EEIG2: variants seen among roughly 807,000 people sequenced by gnomAD.
The protein encoded by EEIG2 is family with sequence similarity 102 member B.
the EEIG2 span, among the ~76,000 whole-genome samples, chr1:108,570,233 A>G: frequency 1.3e-5 from 2 of 152,210 alleles, no homozygotes; most frequent in African/African-American, 4.8e-5. Flanking sequence ...AGGAGAAAAC[A>G]GAATGATAAA....
the EEIG2 span, chr1:108,627,186 G>A: frequency 3.3e-5 from 5 of 152,182 alleles, no homozygotes; most frequent in Non-Finnish European, 7.4e-5. Flanking sequence ...TGCATAACTC[G>A]ATATGAACCA....
chr1:108,628,694 A>T, the EEIG2 span: 108 of 1,611,854 alleles, frequency 6.7e-5, no homozygotes, highest in Non-Finnish European at 8.2e-5. Context: ...GTGAAACAAG[A>T]TTCTGTAGAA....
At chr1:108,625,879 C>T in the EEIG2 span, 1 of 151,528 alleles carries the variant, frequency 6.6e-6, no homozygotes, top group African/African-American at 2.4e-5. Flanking sequence ...CCACACACTT[C>T]TTATAGCCAA....
At chr1:108,568,042 A>T in the EEIG2 span, among the ~76,000 whole-genome samples, 1 of 152,088 alleles carries the variant, frequency 6.6e-6, no homozygotes, top group Non-Finnish European at 1.5e-5. Flanking sequence ...AATGGTACTC[A>T]TGCCACTTTT....
At chr1:108,609,994 A>G in the EEIG2 span, among the ~76,000 whole-genome samples, 1 of 152,172 alleles carries the variant, frequency 6.6e-6, no homozygotes, top group Admixed American at 6.5e-5. Context: ...GGTGCAGTAA[A>G]TCACCATAGC....
chr1:108,618,387 A>G, the EEIG2 span, among the ~76,000 whole-genome samples: 2 of 152,218 alleles, frequency 1.3e-5, no homozygotes, highest in South Asian at 2.1e-4. Context: ...GTTTGAAGAA[A>G]GGAAAAGGTG....
the EEIG2 span, among the ~76,000 whole-genome samples, chr1:108,565,438 C>T: frequency 6.6e-6 from 1 of 152,190 alleles, no homozygotes; most frequent in African/African-American, 2.4e-5. Context: ...TTCAAAAGGA[C>T]AGTATTATTG....
the EEIG2 span, chr1:108,635,085 G>A: frequency 3.1e-6 from 5 of 1,614,002 alleles, no homozygotes; most frequent in Non-Finnish European, 3.4e-6. Context: ...AAATTTTGAA[G>A]TTTTTTTCCA....
the EEIG2 span, among the ~76,000 whole-genome samples, chr1:108,573,748 T>C: frequency 1.3e-5 from 2 of 152,148 alleles, no homozygotes; most frequent in Admixed American, 6.6e-5. Flanking sequence ...AAAGAAGTTA[T>C]ACAAATGGCC....
the EEIG2 span, among the ~76,000 whole-genome samples, chr1:108,609,513 T>C: frequency 2.0e-5 from 3 of 152,086 alleles, no homozygotes; most frequent in Non-Finnish European, 4.4e-5. Flanking sequence ...TTTTAAACAT[T>C]GACCTGAATG....
At chr1:108,568,190 A>G in the EEIG2 span, among the ~76,000 whole-genome samples, 47 of 152,302 alleles carry the variant, frequency 3.1e-4, no homozygotes, top group South Asian at 5.4e-3. Context: ...TGAGCCTTAC[A>G]TAGCCAGCAT....
chr1:108,616,301 A>G, the EEIG2 span: 22 of 883,930 alleles, frequency 2.5e-5, no homozygotes, highest in East Asian at 3.4e-4. Flanking sequence ...TGCTTTCCCA[A>G]TAGAAAATAT....
At chr1:108,617,822 G>T in the EEIG2 span, among the ~76,000 whole-genome samples, 1 of 152,156 alleles carries the variant, frequency 6.6e-6, no homozygotes, top group Non-Finnish European at 1.5e-5. Context: ...AGAAAGGCAG[G>T]AATAAGCACC....
At chr1:108,623,484 G>C in the EEIG2 span, among the ~76,000 whole-genome samples, 1 of 152,128 alleles carries the variant, frequency 6.6e-6, no homozygotes, top group Non-Finnish European at 1.5e-5. Context: ...GACAAAGCGA[G>C]ACCCTGTCTC....
At chr1:108,577,842 A>G in the EEIG2 span, among the ~76,000 whole-genome samples, 1 of 150,956 alleles carries the variant, frequency 6.6e-6, no homozygotes, top group African/African-American at 2.4e-5. Flanking sequence ...GAAGAAAGTC[A>G]TTGGTAGCTT....
chr1:108,586,894 G>A, the EEIG2 span, among the ~76,000 whole-genome samples: 1 of 152,148 alleles, frequency 6.6e-6, no homozygotes, highest in Admixed American at 6.6e-5. Context: ...TTGTTCAAAA[G>A]TAAAGTCTCT....
chr1:108,619,651 C>T, the EEIG2 span, among the ~76,000 whole-genome samples: 1 of 152,144 alleles, frequency 6.6e-6, no homozygotes, highest in Non-Finnish European at 1.5e-5. Flanking sequence ...CTTTGGGAGG[C>T]CAAGGCAGGT....
chr1:108,566,002 C>A, the EEIG2 span, among the ~76,000 whole-genome samples: 1 of 152,216 alleles, frequency 6.6e-6, no homozygotes, highest in East Asian at 1.9e-4. Context: ...GATCTGTACA[C>A]ATACATGTAT....
At chr1:108,579,788 A>AGAGAGAGAGC in the EEIG2 span, among the ~76,000 whole-genome samples, 1 of 149,466 alleles carries the variant, frequency 6.7e-6, no homozygotes, top group Non-Finnish European at 1.5e-5. Flanking sequence ...AGAGAGAGAG[A>AGAGAGAGAGC]GAGAGAGAAA....
Sources: allele counts gnomAD v4.1 joint callset (sites outside exome capture counted in the v4.1 genomes callset), GRCh38; gene constraint gnomAD v4.1.1; transcripts MANE v1.5; gene names NCBI Gene and HGNC (gene_info 2026-07-23, HGNC 2026-07-21).